The following PLCL1 variants were observed in gnomAD, a reference collection of about 807,000 sequenced individuals.
The protein encoded by PLCL1 is phospholipase C like 1 (inactive), also known as inactive phospholipase C-like protein 1.
Under a neutral mutation model 84.4 loss-of-function variants are expected in PLCL1, and 41 were observed. That is an observed-to-expected ratio of 0.49 (90% CI 0.38 to 0.63). The LOEUF (loss-of-function observed/expected upper bound fraction) is 0.63, where lower values mean the gene tolerates loss of function less well. Among genes scored for constraint, PLCL1 ranks in the 30% least tolerant of loss-of-function variants. The probability of loss-of-function intolerance (pLI) is 0.00; values close to 1 mark genes in which losing one functional copy is unlikely to be tolerated. For missense variants in PLCL1, 1,206 were observed against 1,367.8 expected (o/e 0.88, Z 1.87); for synonymous variants, 490 against 488.3 (o/e 1.00, Z -0.05).
rs541278287 is a variant in PLCL1, at chr2:198,047,549, A to G, written c.241-36209A>G. Among the ~76,000 whole-genome samples, 21 of 152,272 alleles carry G rather than the reference A, an allele frequency of 1.4e-4. No homozygotes were observed. The South Asian group carries it at 3.7e-3, about 27-fold the overall frequency. ...GGGATGCCACCACAACTGTTTCTGA[A>G]GAACACAATTTTAATAGGACCTAGG... On this transcript the variant is annotated intron_variant, in intron 1 of 5. Transcript: ENST00000428675.
intron 1 of PLCL1, among the ~76,000 whole-genome samples, chr2:198,082,796 A>G (rs894599528): frequency 1.2e-4 from 19 of 152,330 alleles, no homozygotes; most frequent in African/African-American, 4.3e-4. Context: ...GAAGGACGAT[A>G]GGTGAGAAGG....
intron 1 of PLCL1, among the ~76,000 whole-genome samples, chr2:197,980,316 A>T (rs1005296506): frequency 1.3e-5 from 2 of 152,172 alleles, no homozygotes; most frequent in East Asian, 3.9e-4. Context: ...TCAGGAGAGG[A>T]AGCGGAGATT....
chr2:197,976,605 T>C (rs7571545), intron 1 of PLCL1, among the ~76,000 whole-genome samples: 108,410 of 151,968 alleles, frequency 0.71, 39,487 homozygotes, highest in African/African-American at 0.86. Flanking sequence ...TGCACCACCA[T>C]GCCTGGCTAA....
intron 1 of PLCL1, among the ~76,000 whole-genome samples, chr2:197,900,484 T>C (rs949924066): frequency 6.6e-6 from 1 of 152,164 alleles, no homozygotes; most frequent in African/African-American, 2.4e-5. Context: ...AAATATATTG[T>C]CCAAGAGTAT....
At position 197,931,615 on chromosome 2, in the gene PLCL1, C is replaced by T. The variant is rs553355993; in HGVS notation, c.240+126276C>T. 3.9e-5 allele frequency among the ~76,000 whole-genome samples: 6 copies of T among 151,922 alleles called. 1 individual carries two copies. Among genetic ancestry groups the T allele is most frequent in the Non-Finnish European group, 7.4e-5 (5 of 67,984 alleles). On this transcript the variant is annotated intron_variant, in intron 1 of 5. Coordinates refer to ENST00000428675, the MANE Select transcript of PLCL1 (RefSeq NM_006226.4). ...GAGTATGATTCAAGAAATAGACAGACCTCTTGCCTTCCTCATACCAACCTA... is the reference window on the plus strand; with the variant it reads ...GAGTATGATTCAAGAAATAGACAGATCTCTTGCCTTCCTCATACCAACCTA...
chr2:198,051,009 A>G (rs867235276), intron 1 of PLCL1, among the ~76,000 whole-genome samples: 2 of 152,258 alleles, frequency 1.3e-5, no homozygotes, highest in Admixed American at 6.5e-5. Flanking sequence ...ACGTGGTACA[A>G]CGACAACGTA....
intron 1 of PLCL1, among the ~76,000 whole-genome samples, chr2:197,984,563 T>C (rs1418668111): frequency 3.3e-5 from 5 of 152,248 alleles, no homozygotes; most frequent in Non-Finnish European, 4.4e-5. Context: ...TATTTGGATT[T>C]TTCAATAATG....
chr2:198,098,043 T>C (rs1387762307), intron 3 of PLCL1, among the ~76,000 whole-genome samples: 1 of 152,176 alleles, frequency 6.6e-6, no homozygotes, highest in African/African-American at 2.4e-5. Context: ...GATTTACAAA[T>C]GTACCAAGTT....
chr2:197,986,749 C>T (rs1690227386), intron 1 of PLCL1, among the ~76,000 whole-genome samples: 1 of 152,148 alleles, frequency 6.6e-6, no homozygotes, highest in Non-Finnish European at 1.5e-5. Context: ...AATATTCTAC[C>T]ATCCCAAAGT....
intron 1 of PLCL1, among the ~76,000 whole-genome samples, chr2:197,952,787 A>T (rs768792429): frequency 5.3e-5 from 8 of 151,944 alleles, no homozygotes; most frequent in Non-Finnish European, 1.2e-4. Context: ...ATGAGATCTG[A>T]TGGTTTTGTA....
intron 1 of PLCL1, among the ~76,000 whole-genome samples, chr2:197,966,109 T>A (rs558180775): frequency 6.6e-6 from 1 of 152,104 alleles, no homozygotes; most frequent in East Asian, 1.9e-4. Flanking sequence ...CTCTGCCTCA[T>A]GCCCTATCCT....
intron 1 of PLCL1, among the ~76,000 whole-genome samples, chr2:197,812,631 C>G (rs776131070): frequency 3.3e-5 from 5 of 152,188 alleles, no homozygotes; most frequent in Non-Finnish European, 5.9e-5. Context: ...GTACTAAACA[C>G]AGACTAAGCC....
chr2:198,090,874 G>A (rs1330390318), intron 3 of PLCL1, among the ~76,000 whole-genome samples: 1 of 152,138 alleles, frequency 6.6e-6, no homozygotes, highest in Non-Finnish European at 1.5e-5. Context: ...CCTGGTCTGG[G>A]GCTGGGCAAT....
intron 5 of PLCL1, among the ~76,000 whole-genome samples, chr2:198,111,721 A>C (rs1035735238): frequency 3.3e-5 from 5 of 151,896 alleles, no homozygotes; most frequent in Non-Finnish European, 7.4e-5. Context: ...TCCCATTGGC[A>C]TACAGGAAGT....
At chr2:198,130,888 T>C (rs1694103249) in intron 5 of PLCL1, among the ~76,000 whole-genome samples, 1 of 152,246 alleles carries the variant, frequency 6.6e-6, no homozygotes, top group Non-Finnish European at 1.5e-5. Flanking sequence ...CTCCATAGCA[T>C]AGAGCTGGAG....
At chr2:197,973,916 G>A (rs1170331254) in intron 1 of PLCL1, among the ~76,000 whole-genome samples, 1 of 152,196 alleles carries the variant, frequency 6.6e-6, no homozygotes, top group Non-Finnish European at 1.5e-5. Flanking sequence ...GATAGTGGAG[G>A]AGTAGAGAGA....
intron 1 of PLCL1, among the ~76,000 whole-genome samples, chr2:197,944,777 C>T (rs1227855471): frequency 1.3e-5 from 2 of 152,294 alleles, no homozygotes; most frequent in Admixed American, 1.3e-4. Context: ...ATTTCTTAAA[C>T]ATTTCCAGGG....
At chr2:198,004,137 G>A (rs1690670698) in intron 1 of PLCL1, among the ~76,000 whole-genome samples, 1 of 143,942 alleles carries the variant, frequency 6.9e-6, no homozygotes, top group Non-Finnish European at 1.6e-5. Context: ...AATATATTTA[G>A]CTTTTTTTTT....
chr2:198,021,364 A>G (rs1691129308), intron 1 of PLCL1, among the ~76,000 whole-genome samples: 1 of 152,136 alleles, frequency 6.6e-6, no homozygotes, highest in Non-Finnish European at 1.5e-5. Flanking sequence ...AAACAAATTC[A>G]AAAGCTAGCA....
Sources: gnomAD v4.1 joint callset for allele counts (sites outside exome capture counted in the v4.1 genomes callset) on GRCh38, gnomAD v4.1.1 for gene constraint, MANE v1.5 for transcripts, NCBI Gene and HGNC (gene_info 2026-07-23, HGNC 2026-07-21) for gene names.